SMCO1: variants seen among roughly 807,000 people sequenced by gnomAD.
The protein encoded by SMCO1 is single-pass membrane and coiled-coil domain-containing protein 1.
A neutral mutation model predicts 7.5 loss-of-function variants in SMCO1; 9 were observed. That is an observed-to-expected ratio of 1.20 (90% confidence interval 0.72 to 2.09). The LOEUF is 2.09. SMCO1 is among the 30% of genes most tolerant of loss of function. The probability of loss-of-function intolerance (pLI) is 0.00; values close to 1 mark genes in which losing one functional copy is unlikely to be tolerated. For missense variants in SMCO1, 219 were observed against 253.1 expected (o/e 0.87, Z 0.91); for synonymous variants, 90 against 93.8 (o/e 0.96, Z 0.23).
intron 2 of SMCO1, among the ~76,000 whole-genome samples, 176 bp downstream of exon 2, chr3:196,509,344 G>A (rs1376556656): frequency 6.6e-6 from 1 of 151,580 alleles, no homozygotes; most frequent in South Asian, 2.1e-4. Context: ...GATTACAGGT[G>A]TGAGCCACTG....
intron 1 of SMCO1, among the ~76,000 whole-genome samples, chr3:196,514,388 T>C (rs1414981851): frequency 6.6e-6 from 1 of 152,152 alleles, no homozygotes; most frequent in Non-Finnish European, 1.5e-5. Context: ...CATATTTTTC[T>C]CCCTCATAAG....
At chr3:196,515,988 G>GAAATAT (rs1296248474), upstream of SMCO1, among the ~76,000 whole-genome samples, 1 of 23,918 alleles carries the variant, frequency 4.2e-5, no homozygotes, top group Admixed American at 6.6e-4. Flanking sequence ...AAGAGGATAG[G>GAAATAT]ATATATATAT....
chr3:196,515,265 A>C lies in SMCO1; in HGVS notation c.-56T>G. On this transcript the variant is annotated 5_prime_UTR_variant, in exon 1 of 3. It adds an upstream start codon to the 5' untranslated region. Transcript: ENST00000397537. ...ACAAAGCAAAACAAAAAAAGCAATA[A>C]ATGTTTGAATCCAGAATTTTCTGCG... is the stretch of plus-strand genomic sequence containing the variant. The C allele has an allele frequency of 2.9e-6, 4 of 1,399,394 alleles. No homozygotes were observed. The highest frequency in any genetic ancestry group is 4.1e-6 in the Non-Finnish European group (4 of 986,346). 86.7% of individuals were successfully genotyped at this position (1,399,394 alleles called of 1,614,324 possible).
At position 196,515,290 on chromosome 3, in the gene SMCO1, G is replaced by A. The variant is rs556111938; in HGVS notation, c.-81C>T. 2.9e-5 allele frequency: 31 copies of A among 1,085,878 alleles called. No individual in the cohort carries two copies. Among genetic ancestry groups the A allele is most frequent in the Non-Finnish European group, 3.8e-5 (27 of 707,170 alleles). 67.3% of individuals were successfully genotyped at this position (1,085,878 alleles called of 1,614,324 possible). ...AATGTTTGAATCCAGAATTTTCTGCGGTCTTCCTCTCAGCAACAGGCAGCA... is the reference window on the plus strand; with the variant it reads ...AATGTTTGAATCCAGAATTTTCTGCAGTCTTCCTCTCAGCAACAGGCAGCA... On this transcript the variant is annotated 5_prime_UTR_variant, in exon 1 of 3. Transcript: ENST00000397537.
At position 196,507,843 on chromosome 3, in the gene SMCO1, G is replaced by T; in HGVS notation, c.*44C>A. Reference sequence around the variant, plus strand: ...TGTGCATACTTTTTGCTGTTTCCAAGATAAATTACTGTAGGTGGAATCACT... The same window carrying T: ...TGTGCATACTTTTTGCTGTTTCCAATATAAATTACTGTAGGTGGAATCACT... On this transcript the variant is annotated 3_prime_UTR_variant, in exon 3 of 3. Coordinates refer to ENST00000397537, the MANE Select transcript of SMCO1 (RefSeq NM_001077657.3). 1.6e-6 allele frequency: 2 copies of T among 1,283,330 alleles called. No individual in the cohort carries two copies. The highest frequency in any genetic ancestry group is 2.2e-6 in the Non-Finnish European group (2 of 919,436). 79.5% of individuals were successfully genotyped at this position (1,283,330 alleles called of 1,614,324 possible).
upstream of SMCO1, among the ~76,000 whole-genome samples, chr3:196,516,916 T>C (rs1274738278): frequency 1.3e-5 from 2 of 151,888 alleles, no homozygotes; most frequent in Non-Finnish European, 1.5e-5. Context: ...TTGGCCAACA[T>C]GGCAAAAACC....
At chr3:196,518,418 G>A (rs1021800613), upstream of SMCO1, among the ~76,000 whole-genome samples, 1 of 152,154 alleles carries the variant, frequency 6.6e-6, no homozygotes, top group African/African-American at 2.4e-5. Flanking sequence ...AATTTTCTCG[G>A]CATGTGACAA....
At chr3:196,514,093 T>C (rs1553865476) in intron 1 of SMCO1, among the ~76,000 whole-genome samples, 1 of 152,102 alleles carries the variant, frequency 6.6e-6, no homozygotes, top group Non-Finnish European at 1.5e-5. Flanking sequence ...TTCCCATCCA[T>C]CCTCCAGACA....
At chr3:196,516,028 T>TATAA (rs1733380711), upstream of SMCO1, among the ~76,000 whole-genome samples, 1 of 115,632 alleles carries the variant, frequency 8.6e-6, no homozygotes, top group Non-Finnish European at 1.8e-5. Context: ...TATATATATA[T>TATAA]ATAATTATAT....
In SMCO1 at chr3:196,515,304, C is replaced by T; in HGVS notation, c.-95G>A. 1 of 903,082 alleles carries T rather than the reference C, an allele frequency of 1.1e-6. No homozygotes were observed. Among genetic ancestry groups the T allele is most frequent in the Non-Finnish European group, 1.8e-6 (1 of 548,254 alleles). The allele number at this position is 903,082 out of a possible 1,614,324, so 55.9% of individuals were successfully genotyped here. A position where few individuals can be genotyped will look rare whatever the true frequency, so the allele number is the denominator to read the frequency against. ...GAATTTTCTGCGGTCTTCCTCTCAG[C>T]AACAGGCAGCAGTAGCAGGAGCGCT... On this transcript the variant is annotated 5_prime_UTR_variant, in exon 1 of 3. Transcript: ENST00000397537.
chr3:196,508,076 G>A lies in SMCO1; in HGVS notation c.456C>T (p.His152=), dbSNP rs764420028. 527 of 1,614,154 alleles carry A rather than the reference G, an allele frequency of 3.3e-4. 4 individuals are homozygous for A. The highest frequency in any genetic ancestry group is 1.3e-3 in the South Asian group (116 of 91,078). The change falls in exon 3 of 3, where the codon CAC becomes CAT. Residue 152 remains histidine, a synonymous_variant. Coordinates refer to ENST00000397537, the MANE Select transcript of SMCO1 (RefSeq NM_001077657.3). ...FFIARGNKAE[H]YTAKVRQMYI... is the part of the protein sequence containing the mutation. ...ACATCTGCCTCACTTTAGCAGTATA[G>A]TGTTCTGCCTTGTTACCACGTGCAA...
the SMCO1 span, among the ~76,000 whole-genome samples, chr3:196,520,716 G>A: frequency 7.2e-5 from 11 of 152,174 alleles, no homozygotes; most frequent in East Asian, 3.8e-4. Context: ...GACTCTCACC[G>A]CTGCTGAAAA....
upstream of SMCO1, among the ~76,000 whole-genome samples, chr3:196,515,988 GATATATAT>G (rs200613159): frequency 0.061 from 1,456 of 23,748 alleles, 25 homozygotes; most frequent in Middle Eastern, 0.091. Flanking sequence ...AAGAGGATAG[GATATATAT>G]ATATATATAT....
chr3:196,517,885 A>G (rs1289251320), upstream of SMCO1, among the ~76,000 whole-genome samples: 2 of 152,216 alleles, frequency 1.3e-5, no homozygotes, highest in Non-Finnish European at 2.9e-5. Context: ...AAGAGTCCTC[A>G]GTAATGCTTT....
chr3:196,520,437 A>G, the SMCO1 span, among the ~76,000 whole-genome samples: 1 of 152,050 alleles, frequency 6.6e-6, no homozygotes, highest in Non-Finnish European at 1.5e-5. Context: ...CAACCCTTCT[A>G]GTCCCCCTCA....
intron 2 of SMCO1, among the ~76,000 whole-genome samples, chr3:196,508,978 G>C (rs989946238): frequency 1.3e-5 from 2 of 150,100 alleles, no homozygotes; most frequent in Admixed American, 6.7e-5. Flanking sequence ...TGCAAATAAG[G>C]CTTTGGCAAG....
upstream of SMCO1, among the ~76,000 whole-genome samples, chr3:196,518,181 G>C (rs1733428408): frequency 1.3e-5 from 2 of 152,212 alleles, no homozygotes; most frequent in Non-Finnish European, 2.9e-5. Flanking sequence ...GGGAGGGCCA[G>C]TTTTTTTGTG....
chr3:196,519,235 G>T (rs759641561), upstream of SMCO1, among the ~76,000 whole-genome samples: 2 of 152,236 alleles, frequency 1.3e-5, no homozygotes, highest in Non-Finnish European at 2.9e-5. Context: ...ATGTAGTTCA[G>T]GATCTTGTGA....
upstream of SMCO1, among the ~76,000 whole-genome samples, chr3:196,517,257 A>T (rs374387836): frequency 4.2e-4 from 64 of 152,098 alleles, no homozygotes; most frequent in South Asian, 2.9e-3. Flanking sequence ...TTTTTTATTC[A>T]TAATGAGCCC....
Sources: gnomAD v4.1 joint callset for allele counts (sites outside exome capture counted in the v4.1 genomes callset) on GRCh38, gnomAD v4.1.1 for gene constraint, MANE v1.5 for transcripts, NCBI Gene and HGNC (gene_info 2026-07-23, HGNC 2026-07-21) for gene names.